Variants in CCDC169 observed in about 807,000 individuals in gnomAD.
The protein encoded by CCDC169 is coiled-coil domain-containing protein 169.
Under a neutral mutation model 36.0 loss-of-function variants are expected in CCDC169, and 30 were observed. The ratio of observed to expected loss-of-function variants is 0.83; its 90% confidence interval spans 0.62 to 1.13. The LOEUF is 1.13. Among genes scored for constraint, CCDC169 ranks in the 50% most tolerant of loss-of-function variants. The pLI, the probability that CCDC169 is intolerant of heterozygous loss-of-function variation, is 0.00. For missense variants in CCDC169, 245 were observed against 245.9 expected, an observed-to-expected ratio of 1.00 and a Z score of 0.03; for synonymous variants, 85 against 81.5, an observed-to-expected ratio of 1.04 and a Z score of -0.23.
chr13:36,274,622 T>C (rs186162208), intron 4 of CCDC169: 3 of 152,326 alleles, frequency 2.0e-5, no homozygotes, highest in Admixed American at 6.5e-5. Context: ...TCTATTATCA[T>C]AAAAGAGCTG....
intron 4 of CCDC169, among the ~76,000 whole-genome samples, chr13:36,277,430 T>G (rs1046986969): frequency 1.3e-5 from 2 of 152,200 alleles, no homozygotes; most frequent in African/African-American, 4.8e-5. Flanking sequence ...TTTACCTATG[T>G]AACAAACCTG....
At chr13:36,281,154 A>G (rs1877480464) in intron 4 of CCDC169, 1 of 377,508 alleles carries the variant, frequency 2.6e-6, no homozygotes, top group Admixed American at 3.8e-5. Context: ...CACGAGGACA[A>G]AAGCCACTCA....
intron 4 of CCDC169, among the ~76,000 whole-genome samples, chr13:36,262,008 T>G (rs6563422): frequency 5.9e-5 from 9 of 151,972 alleles, no homozygotes; most frequent in Non-Finnish European, 1.2e-4. Flanking sequence ...GGGAAAACCA[T>G]TAAGAGGTGC....
At chr13:36,267,468 C>G (rs183975110) in intron 4 of CCDC169, among the ~76,000 whole-genome samples, 71 of 152,142 alleles carry the variant, frequency 4.7e-4, no homozygotes, top group African/African-American at 1.7e-3. Context: ...AGTTCTAGAC[C>G]TTGAAACAAA....
intron 7 of CCDC169, among the ~76,000 whole-genome samples, chr13:36,243,176 C>T (rs936435157): frequency 6.6e-6 from 1 of 152,166 alleles, no homozygotes; most frequent in Admixed American, 6.5e-5. Flanking sequence ...TAGCCTTCCC[C>T]CACAGGTGTT....
intron 7 of CCDC169, among the ~76,000 whole-genome samples, chr13:36,243,989 C>A (rs1872181569): frequency 1.3e-5 from 2 of 152,158 alleles, no homozygotes; most frequent in African/African-American, 4.8e-5. Flanking sequence ...AGAAGTTTAA[C>A]TTTCATTTTC....
downstream of CCDC169, chr13:36,224,572 A>G (rs1404715194): frequency 1.3e-5 from 2 of 152,216 alleles, no homozygotes; most frequent in Non-Finnish European, 2.9e-5. Flanking sequence ...AACCCCTAGG[A>G]ATATATCTAA....
rs369822597 is a variant in CCDC169 at position 36,290,306 on chromosome 13, CTAAA to C, written c.163+5468_163+5471del. Among the ~76,000 whole-genome samples the C allele has an allele frequency of 2.3e-3, 346 of 152,190 alleles. No individual in the cohort carries two copies. The Middle Eastern group carries it at 0.034, about 15-fold the overall frequency. On this transcript the variant is annotated intron_variant, in intron 2 of 7. Transcript: ENST00000239859. ...TAAAATAATATAATTTATTCTGTGC[CTAAA>C]TAAATAGATACTAAATAATTTAAAT...
At chr13:36,284,247 T>C (rs1157164119) in intron 2 of CCDC169, among the ~76,000 whole-genome samples, 1 of 152,176 alleles carries the variant, frequency 6.6e-6, no homozygotes, top group Non-Finnish European at 1.5e-5. Flanking sequence ...TTTTTTCCTT[T>C]GAAAGCAATT....
chr13:36,241,427 T>C (rs931062944), intron 7 of CCDC169, among the ~76,000 whole-genome samples: 1 of 152,222 alleles, frequency 6.6e-6, no homozygotes, highest in Non-Finnish European at 1.5e-5. Context: ...TATTAATAAT[T>C]ACTAGCCTGT....
At chr13:36,233,324 C>T (rs1389803769) in intron 7 of CCDC169, among the ~76,000 whole-genome samples, 2 of 151,864 alleles carry the variant, frequency 1.3e-5, no homozygotes, top group East Asian at 1.9e-4. Context: ...AACAACAAAC[C>T]CTGGGGAGGG....
chr13:36,287,096 C>T (rs1013256065), intron 2 of CCDC169, among the ~76,000 whole-genome samples: 1 of 152,102 alleles, frequency 6.6e-6, no homozygotes, highest in African/African-American at 2.4e-5. Flanking sequence ...CAAATTACAG[C>T]AAGAAAAATT....
In CCDC169 at chr13:36,234,347, T is replaced by A. The variant is rs1466951350; in HGVS notation, c.546-3055A>T. Among the ~76,000 whole-genome samples the A allele has an allele frequency of 2.0e-5, 3 of 152,086 alleles. No individual in the cohort carries two copies. The East Asian group carries it at 5.8e-4, about 29-fold the overall frequency. ...AAAACTGAACAGTCTCAGAGACCTG[T>A]AAAACACTATCAACTATACCAACAT... On this transcript the variant is annotated intron_variant, in intron 7 of 7. Coordinates refer to ENST00000239859, the MANE Select transcript of CCDC169 (RefSeq NM_001144981.3).
At position 36,265,325 on chromosome 13, in the gene CCDC169, C is replaced by T. The variant is rs138431871; in HGVS notation, c.316-11182G>A. Among the ~76,000 whole-genome samples the T allele has an allele frequency of 6.5e-3, 991 of 152,266 alleles. 13 individuals are homozygous for T. The highest frequency in any genetic ancestry group is 0.023 in the African/African-American group (944 of 41,548). On this transcript the variant is annotated intron_variant, in intron 4 of 7. Transcript: ENST00000239859. ...ATTGACAACTTTCAAGATATATACACGTTCTAGTTGAAACAAGGAGTCACA... is the reference window on the plus strand; with the variant it reads ...ATTGACAACTTTCAAGATATATACATGTTCTAGTTGAAACAAGGAGTCACA...
At chr13:36,268,699 T>C (rs950372524) in intron 4 of CCDC169, among the ~76,000 whole-genome samples, 1 of 151,552 alleles carries the variant, frequency 6.6e-6, no homozygotes, top group African/African-American at 2.4e-5. Context: ...TTTGAAAAAA[T>C]AAACAAAATA....
intron 7 of CCDC169, among the ~76,000 whole-genome samples, chr13:36,247,945 G>A (rs1418233380): frequency 3.3e-5 from 5 of 152,176 alleles, no homozygotes; most frequent in East Asian, 1.9e-4. Context: ...AGCAAACTTC[G>A]TTGTTGCCCT....
chr13:36,243,739 G>A (rs1006156626), intron 7 of CCDC169, among the ~76,000 whole-genome samples: 2 of 152,206 alleles, frequency 1.3e-5, no homozygotes, highest in Non-Finnish European at 2.9e-5. Flanking sequence ...CCAGGAGGCA[G>A]AGGTTGCAGT....
intron 1 of CCDC169, among the ~76,000 whole-genome samples, chr13:36,297,181 C>T (rs1286252005): frequency 6.6e-6 from 1 of 151,586 alleles, no homozygotes; most frequent in Non-Finnish European, 1.5e-5. Context: ...ACACGAAGTA[C>T]GAATACTGTT....
chr13:36,278,401 C>T (rs1424367464), intron 4 of CCDC169, among the ~76,000 whole-genome samples: 1 of 152,104 alleles, frequency 6.6e-6, no homozygotes, highest in Non-Finnish European at 1.5e-5. Context: ...AGGTTATACT[C>T]AGTACATTTT....
Sources: gnomAD v4.1 joint callset for allele counts (sites outside exome capture counted in the v4.1 genomes callset) on GRCh38, gnomAD v4.1.1 for gene constraint, MANE v1.5 for transcripts, NCBI Gene and HGNC (gene_info 2026-07-23, HGNC 2026-07-21) for gene names.